The following CTNND1 variants were observed in gnomAD, a reference collection of about 807,000 sequenced individuals.
CTNND1 encodes the protein catenin delta-1.
CTNND1 carries 16 observed loss-of-function variants against 112.1 expected under a neutral mutation model. That is an observed-to-expected ratio of 0.14 (90% confidence interval 0.10 to 0.22). CTNND1 has a LOEUF of 0.22. CTNND1 is among the 10% of genes least tolerant of loss of function. The pLI is 1.00. For synonymous variants in CTNND1, 420 were observed against 446.5 expected, an observed-to-expected ratio of 0.94 and a Z score of 0.75; for missense variants, 1,008 against 1,257.0, an observed-to-expected ratio of 0.80 and a Z score of 3.00.
chr11:57,790,977 A>G (rs764664990), intron 2 of CTNND1, among the ~76,000 whole-genome samples: 4 of 151,854 alleles, frequency 2.6e-5, no homozygotes, highest in Non-Finnish European at 1.5e-5. Flanking sequence ...GTATTGCCCT[A>G]TTATCTCTAA....
At chr11:57,804,614 G>A in intron 8 of CTNND1, 49 bp from the exon 9 acceptor site, 1 of 1,409,216 alleles carries the variant, frequency 7.1e-7, no homozygotes, top group Non-Finnish European at 1.0e-6. Context: ...GATATTTAAG[G>A]GAGGATTTCT....
chr11:57,814,589 T>C (rs1048262458), intron 18 of CTNND1, among the ~76,000 whole-genome samples: 4 of 152,202 alleles, frequency 2.6e-5, no homozygotes, highest in African/African-American at 4.8e-5. Context: ...TTTTCAGAAA[T>C]CTTTCTATGC....
At chr11:57,793,500 T>G (rs2060996310) in intron 3 of CTNND1, among the ~76,000 whole-genome samples, 1 of 152,236 alleles carries the variant, frequency 6.6e-6, no homozygotes, top group East Asian at 1.9e-4. Context: ...CTTGCTTCTT[T>G]CTTTAAAAAG....
intron 11 of CTNND1, 106 bp from the exon 12 acceptor site, chr11:57,806,809 A>C: frequency 1.1e-6 from 1 of 942,740 alleles, no homozygotes; most frequent in Non-Finnish European, 1.7e-6. Context: ...CTCGTGGTGC[A>C]TCTGTGATCA....
rs191961309 is a variant in CTNND1 at position 57,779,977 on chromosome 11, C to T, written c.-213-9060C>T. The stretch of plus-strand genomic sequence containing the variant: ...ACCCAAAAGTCTAGCTGGCTCCATT[C>T]CACCTTCTCTTGCCTCCTTCCCCTC... On this transcript the variant is annotated intron_variant, in intron 1 of 20. Coordinates refer to ENST00000399050, the MANE Select transcript of CTNND1 (RefSeq NM_001085458.2). Among the ~76,000 whole-genome samples the T allele has an allele frequency of 1.3e-3, 205 of 151,994 alleles. 1 individual carries two copies. Among genetic ancestry groups the T allele is most frequent in the Admixed American group, 0.012 (183 of 15,240 alleles).
intron 1 of CTNND1, among the ~76,000 whole-genome samples, chr11:57,772,961 A>T (rs1953075992): frequency 6.6e-6 from 1 of 151,766 alleles, no homozygotes; most frequent in Non-Finnish European, 1.5e-5. Context: ...TCTGGTTGTC[A>T]TCTGGTTACT....
At position 57,762,059 on chromosome 11, in the gene CTNND1, T is replaced by G; in HGVS notation, c.-274T>G. Reference sequence around the variant, plus strand: ...CTCCACATTTGAGGTGTGTGGCTTTTGAAGAAAATGTATGTACTGACGGGA... The same window carrying G: ...CTCCACATTTGAGGTGTGTGGCTTTGGAAGAAAATGTATGTACTGACGGGA... On this transcript the variant is annotated 5_prime_UTR_variant, in exon 1 of 21. Transcript: ENST00000399050. 5 of 985,424 alleles carry G rather than the reference T, an allele frequency of 5.1e-6. No homozygotes were observed. Among genetic ancestry groups the G allele is most frequent in the Non-Finnish European group, 6.0e-6 (5 of 829,926 alleles). The allele number at this position is 985,424 out of a possible 1,614,324, so 61.0% of individuals were successfully genotyped here.
rs1178441416 is a variant in CTNND1, at chr11:57,810,120, A to G, written c.2447A>G (p.Glu816Gly). Residue 816 changes from glutamate to glycine, a missense_variant, in exon 16 of 21, where the codon GAA (glutamate) becomes GGA (glycine). Coordinates refer to ENST00000399050, the MANE Select transcript of CTNND1 (RefSeq NM_001085458.2). ...VLINKSGNRS[E>G]KEVRAAALVL... ...ACTTTCCTCCAAAGGAACCGCTCAG[A>G]AAAAGAAGTTCGAGCAGCAGCACTT... 1 of 1,609,278 alleles carries G rather than the reference A, an allele frequency of 6.2e-7. No homozygotes were observed. Among genetic ancestry groups the G allele is most frequent in the Non-Finnish European group, 8.5e-7 (1 of 1,178,610 alleles).
Position 57,796,825 on chromosome 11 carries a change from T to C in CTNND1, c.789T>C (p.Val263=). The C allele has an allele frequency of 6.2e-7, 1 of 1,610,956 alleles. No individual in the cohort carries two copies. The highest frequency in any genetic ancestry group is 8.5e-7 in the Non-Finnish European group (1 of 1,177,868). The change falls in exon 6 of 21, where the codon GTT becomes GTC. Residue 263 remains valine (V), a synonymous_variant. Coordinates refer to ENST00000399050, the MANE Select transcript of CTNND1 (RefSeq NM_001085458.2). The part of the protein sequence containing the change: ...RQDVYGPQPQ[V]RVGGSSVDLH... ...ATGTGTATGGGCCCCAACCCCAGGT[T>C]CGGGTAGGTGGGAGCAGCGTGGATC...
At position 57,814,374 on chromosome 11, in the gene CTNND1, G is replaced by A; in HGVS notation, c.2701+1G>A. ...ATGGGATCAAACACAAAATCACTAG[G>A]TAGGTGATTAATTCCTGCCTAAGGA... On this transcript the variant is annotated splice_donor_variant, in intron 18 of 20. Transcript: ENST00000399050. LOFTEE classifies it high-confidence loss of function. 6.2e-7 allele frequency: 1 copy of A among 1,605,118 alleles called. No homozygotes were observed. The highest frequency in any genetic ancestry group is 1.3e-5 in the African/African-American group (1 of 74,900).
At position 57,815,413 on chromosome 11, in the gene CTNND1, A is replaced by C; in HGVS notation, c.2721A>C (p.Pro907=). 2 of 1,602,444 alleles carry C rather than the reference A, an allele frequency of 1.2e-6. No individual in the cohort carries two copies. Among genetic ancestry groups the C allele is most frequent in the Non-Finnish European group, 1.7e-6 (2 of 1,176,054 alleles). The change falls in exon 19 of 21, where the codon CCA becomes CCC. Residue 907 remains proline (P), a synonymous_variant. Coordinates refer to ENST00000399050, the MANE Select transcript of CTNND1 (RefSeq NM_001085458.2). ...TKSLDNNYST[P]NERGDHNRTL... ...AACCAGATAACAACTATTCCACACC[A>C]AATGAGAGAGGAGACCACAATAGAA...
intron 1 of CTNND1, among the ~76,000 whole-genome samples, chr11:57,787,955 A>G (rs1249605718): frequency 6.6e-6 from 1 of 152,242 alleles, no homozygotes; most frequent in Admixed American, 6.5e-5. Context: ...AGGGCCATTT[A>G]TGGCCATCTA....
At position 57,801,199 on chromosome 11, in the gene CTNND1, C is replaced by T. The variant is rs544848206; in HGVS notation, c.957-534C>T. Reference sequence around the variant, plus strand: ...TCTATCAATCCATCTTTTATAATTTCCAAAATAGGATAAGGAGAAGCTTAA... The same window carrying T: ...TCTATCAATCCATCTTTTATAATTTTCAAAATAGGATAAGGAGAAGCTTAA... On this transcript the variant is annotated intron_variant, in intron 6 of 20. Transcript: ENST00000399050. Among the ~76,000 whole-genome samples the T allele has an allele frequency of 1.4e-3, 213 of 152,302 alleles. No homozygotes were observed. In the Middle Eastern group the frequency reaches 0.027, roughly 19 times the overall value.
At chr11:57,792,488 T>C (rs947815737) in intron 3 of CTNND1, among the ~76,000 whole-genome samples, 1 of 152,236 alleles carries the variant, frequency 6.6e-6, no homozygotes, top group African/African-American at 2.4e-5. Flanking sequence ...ATAGATTGCA[T>C]CTTACGAGAG....
Position 57,804,693 on chromosome 11 carries a change from C to T in CTNND1, c.1635C>T (p.Arg545=). The T allele has an allele frequency of 6.2e-7, 1 of 1,613,862 alleles. No individual in the cohort carries two copies. The highest frequency in any genetic ancestry group is 8.5e-7 in the Non-Finnish European group (1 of 1,179,826). ...RNVSSERSEA[R]RKLRECDGLV... ...TAAGCTCAGAGAGGAGTGAAGCTCG[C>T]CGGAAACTTCGGGAATGTGATGGTT... The change falls in exon 9 of 21, where the codon CGC becomes CGT. Residue 545 remains arginine, a synonymous_variant. Coordinates refer to ENST00000399050, the MANE Select transcript of CTNND1 (RefSeq NM_001085458.2).
rs557251372 is a variant in CTNND1 at position 57,773,019 on chromosome 11, C to A, written c.-214+10900C>A. 9.8e-5 allele frequency among the ~76,000 whole-genome samples: 15 copies of A among 152,300 alleles called. No homozygotes were observed. In the South Asian group the frequency reaches 1.9e-3, roughly 19 times the overall value. ...CAAGAAACTTTTTTTCTTCCCATCT[C>A]CTCCTTTGTTCAGGTAACTGTATCG... is the stretch of plus-strand genomic sequence containing the variant. On this transcript the variant is annotated intron_variant, in intron 1 of 20. Transcript: ENST00000399050.
chr11:57,797,884 T>C (rs2061543494), intron 6 of CTNND1, among the ~76,000 whole-genome samples: 1 of 148,126 alleles, frequency 6.8e-6, no homozygotes, highest in African/African-American at 2.5e-5. Flanking sequence ...TTGTTATTAG[T>C]CTGTGTCCTG....
At chr11:57,764,429 G>GGAT (rs1352641014) in intron 1 of CTNND1, among the ~76,000 whole-genome samples, 1 of 152,066 alleles carries the variant, frequency 6.6e-6, no homozygotes, top group African/African-American at 2.4e-5. Context: ...TGCTCTCCAG[G>GGAT]GATGAATGAG....
chr11:57,802,565 G>A (rs1302180851), intron 7 of CTNND1, among the ~76,000 whole-genome samples: 1 of 152,212 alleles, frequency 6.6e-6, no homozygotes, highest in Non-Finnish European at 1.5e-5. Flanking sequence ...ACCAACTACA[G>A]CTGTTTAGGA....
Sources: allele counts gnomAD v4.1 joint callset (sites outside exome capture counted in the v4.1 genomes callset), GRCh38; gene constraint gnomAD v4.1.1; transcripts MANE v1.5; gene names NCBI Gene and HGNC (gene_info 2026-07-23, HGNC 2026-07-21).